Variants in CHRM3 observed in about 807,000 individuals in gnomAD.
CHRM3 encodes the protein cholinergic receptor muscarinic 3.
A neutral mutation model predicts 41.8 loss-of-function variants in CHRM3; 11 were observed. The observed-to-expected ratio is 0.26, with a 90% confidence interval of 0.17 to 0.44. CHRM3 has a LOEUF of 0.44. CHRM3 is among the 20% of genes least tolerant of loss of function. The pLI, the probability that CHRM3 is intolerant of heterozygous loss-of-function variation, is 1.00. For missense variants in CHRM3, 571 were observed against 745.4 expected (o/e 0.77, Z 2.72); for synonymous variants, 297 against 301.4 (o/e 0.99, Z 0.15).
intron 1 of CHRM3, among the ~76,000 whole-genome samples, chr1:239,411,862 A>G (rs1366016246): frequency 6.6e-6 from 1 of 151,414 alleles, no homozygotes; most frequent in East Asian, 1.9e-4. Context: ...TCCTCAGTGC[A>G]CGATCCCCAA....
At chr1:239,511,756 T>C (rs1488333331) in intron 2 of CHRM3, among the ~76,000 whole-genome samples, 1 of 152,154 alleles carries the variant, frequency 6.6e-6, no homozygotes, top group African/African-American at 2.4e-5. Context: ...ATTTACTTCT[T>C]GATAGAAAGG....
At chr1:239,476,272 T>A (rs911410552) in intron 1 of CHRM3, among the ~76,000 whole-genome samples, 1 of 151,844 alleles carries the variant, frequency 6.6e-6, no homozygotes, top group African/African-American at 2.4e-5. Flanking sequence ...TCGAAACCAG[T>A]CTTGCCAACG....
intron 5 of CHRM3, among the ~76,000 whole-genome samples, chr1:239,722,059 A>C (rs1323710530): frequency 6.6e-6 from 1 of 151,944 alleles, no homozygotes; most frequent in Non-Finnish European, 1.5e-5. Flanking sequence ...CTTTTGGTTC[A>C]TGGGACAGGC....
chr1:239,461,016 C>T (rs1339342137), intron 1 of CHRM3, among the ~76,000 whole-genome samples: 1 of 152,070 alleles, frequency 6.6e-6, no homozygotes, highest in East Asian at 1.9e-4. Flanking sequence ...GGATCTATAG[C>T]CTAATATTCA....
intron 3 of CHRM3, among the ~76,000 whole-genome samples, chr1:239,573,204 A>G (rs1434591398): frequency 6.6e-6 from 1 of 151,864 alleles, no homozygotes; most frequent in Admixed American, 6.6e-5. Flanking sequence ...TTTGGCTGTC[A>G]CTTTCCCTTT....
At chr1:239,390,408 A>T (rs1658923467) in intron 1 of CHRM3, among the ~76,000 whole-genome samples, 2 of 152,212 alleles carry the variant, frequency 1.3e-5, no homozygotes, top group Non-Finnish European at 2.9e-5. Context: ...AATGTATATG[A>T]CAGGAGGCAA....
intron 2 of CHRM3, among the ~76,000 whole-genome samples, chr1:239,522,123 G>C (rs1669690533): frequency 6.6e-6 from 1 of 152,194 alleles, no homozygotes; most frequent in African/African-American, 2.4e-5. Context: ...TCTGTTGAAT[G>C]TAGGCAGACT....
At chr1:239,514,835 T>G (rs1572561961) in intron 2 of CHRM3, among the ~76,000 whole-genome samples, 1 of 152,142 alleles carries the variant, frequency 6.6e-6, no homozygotes, top group Non-Finnish European at 1.5e-5. Context: ...GCTGCCGAAC[T>G]TGATCTAGGA....
rs1659128712 is a variant in CHRM3, at chr1:239,686,177, T to A, written c.-147+7889T>A. Among the ~76,000 whole-genome samples the A allele has an allele frequency of 7.2e-5, 11 of 152,048 alleles. No homozygotes were observed. In the South Asian group the frequency reaches 1.5e-3, roughly 20 times the overall value. Reference sequence around the variant, plus strand: ...CTGATTCCAGAGTAATCTATAATTTTAAAAAAATGGACTTCTGTTACTCAC... The same window carrying A: ...CTGATTCCAGAGTAATCTATAATTTAAAAAAAATGGACTTCTGTTACTCAC... On this transcript the variant is annotated intron_variant, in intron 5 of 6. Transcript: ENST00000676153.
intron 6 of CHRM3, among the ~76,000 whole-genome samples, chr1:239,845,808 T>C (rs946172574): frequency 2.0e-5 from 3 of 152,274 alleles, no homozygotes; most frequent in Non-Finnish European, 4.4e-5. Context: ...TTATGTATCA[T>C]GGCCAGCCAT....
At position 239,695,200 on chromosome 1, in the gene CHRM3, C is replaced by T. The variant is rs572280913; in HGVS notation, c.-147+16912C>T. Among the ~76,000 whole-genome samples the T allele has an allele frequency of 2.2e-4, 34 of 152,060 alleles. No homozygotes were observed. In the East Asian group the frequency reaches 3.3e-3, roughly 15 times the overall value. On this transcript the variant is annotated intron_variant, in intron 5 of 6. Coordinates refer to ENST00000676153, the MANE Select transcript of CHRM3 (RefSeq NM_001375978.1). ...TAAGTTTTTGTATTTTTAGTAGAGA[C>T]GGGGTTTCACCATGTTGGCCAGGAT...
At chr1:239,634,642 C>T (rs983730966) in intron 4 of CHRM3, among the ~76,000 whole-genome samples, 4 of 151,098 alleles carry the variant, frequency 2.6e-5, no homozygotes, top group Non-Finnish European at 2.9e-5. Context: ...AAGTATTCTC[C>T]GCCTAACAAT....
At chr1:239,906,245 C>A (rs1679957611) in intron 6 of CHRM3, among the ~76,000 whole-genome samples, 1 of 152,184 alleles carries the variant, frequency 6.6e-6, no homozygotes, top group Non-Finnish European at 1.5e-5. Flanking sequence ...TACCTTAAGG[C>A]TTGATTCAGG....
intron 5 of CHRM3, among the ~76,000 whole-genome samples, chr1:239,692,698 G>A (rs1336959782): frequency 6.6e-6 from 1 of 152,130 alleles, no homozygotes; most frequent in East Asian, 1.9e-4. Flanking sequence ...AACTCAGGAA[G>A]AGCTACTTGA....
intron 3 of CHRM3, among the ~76,000 whole-genome samples, chr1:239,549,643 A>G (rs2148432383): frequency 6.7e-6 from 1 of 150,270 alleles, no homozygotes; most frequent in African/African-American, 2.5e-5. Flanking sequence ...CCTAGGCAAC[A>G]GTGAGAGACT....
chr1:239,559,944 G>A (rs1047893015), intron 3 of CHRM3, among the ~76,000 whole-genome samples: 9 of 152,130 alleles, frequency 5.9e-5, no homozygotes, highest in African/African-American at 1.7e-4. Flanking sequence ...GGCATTGACC[G>A]CAGTAGATGT....
At chr1:239,754,974 C>G (rs1666124682) in intron 5 of CHRM3, among the ~76,000 whole-genome samples, 1 of 152,148 alleles carries the variant, frequency 6.6e-6, no homozygotes, top group South Asian at 2.1e-4. Context: ...CAAGGCTATC[C>G]TATCTTGTCT....
chr1:239,900,813 C>T (rs768826132), intron 6 of CHRM3, among the ~76,000 whole-genome samples: 1 of 152,172 alleles, frequency 6.6e-6, no homozygotes, highest in Non-Finnish European at 1.5e-5. Flanking sequence ...ATACATTGCT[C>T]ATTTACATGT....
intron 1 of CHRM3, among the ~76,000 whole-genome samples, chr1:239,444,697 G>A (rs545244502): frequency 1.2e-4 from 18 of 152,040 alleles, no homozygotes; most frequent in Non-Finnish European, 2.2e-4. Flanking sequence ...CAAACACCGC[G>A]ATTACTTTTG....
Sources: gnomAD v4.1 joint callset for allele counts (sites outside exome capture counted in the v4.1 genomes callset) on GRCh38, gnomAD v4.1.1 for gene constraint, MANE v1.5 for transcripts, NCBI Gene and HGNC (gene_info 2026-07-23, HGNC 2026-07-21) for gene names.